ZNF107: variants seen among roughly 807,000 people sequenced by gnomAD.
ZNF107 encodes C2H2 type zinc-finger protein.
A neutral mutation model predicts 12.3 loss-of-function variants in ZNF107; 19 were observed. The observed-to-expected ratio is 1.55, with a 90% CI of 1.08 to 2.27. The LOEUF (loss-of-function observed/expected upper bound fraction) is 2.27, where lower values mean the gene tolerates loss of function less well. ZNF107 is among the 30% of genes most tolerant of loss of function. The pLI is 0.00. For synonymous variants in ZNF107, 317 were observed against 330.5 expected, an observed-to-expected ratio of 0.96 and a Z score of 0.44; for missense variants, 958 against 979.9, an observed-to-expected ratio of 0.98 and a Z score of 0.30.
rs1790865982 is a variant in ZNF107 at position 64,710,877 on chromosome 7, G to A, written c.*2221G>A. 6.6e-6 allele frequency: 1 copy of A among 152,088 alleles called. No homozygotes were observed. The highest frequency in any genetic ancestry group is 2.4e-5 in the African/African-American group (1 of 41,410). The allele number at this position is 152,088 out of a possible 1,614,324, so 9.4% of individuals were successfully genotyped here. On this transcript the variant is annotated 3_prime_UTR_variant, in exon 4 of 4. Coordinates refer to ENST00000620827, the MANE Select transcript of ZNF107 (RefSeq NM_001282359.2). ...GTTTGTGTTTAACTTATAATATTGA[G>A]TGATCCATGAAGTAGGTTTTCAGAG...
Position 64,709,601 on chromosome 7 carries a change from A to C in ZNF107, c.*945A>C, listed in dbSNP as rs186102742. The C allele has an allele frequency of 7.1e-6, 3 of 424,476 alleles. No homozygotes were observed. The highest frequency in any genetic ancestry group is 1.4e-5 in the Non-Finnish European group (3 of 218,590). 26.3% of individuals were successfully genotyped at this position (424,476 alleles called of 1,614,324 possible). ...TGATTGTAGGTAAGAATCCATACTG[A>C]AGAAAACTCCTGGAAGTGTAAAAAA... On this transcript the variant is annotated 3_prime_UTR_variant, in exon 4 of 4. Transcript: ENST00000620827.
rs1437925871 is a variant in ZNF107 at position 64,666,292 on chromosome 7, G to A, written c.3+7G>A. The A allele has an allele frequency of 1.2e-6, 2 of 1,609,882 alleles. No individual in the cohort carries two copies. The highest frequency in any genetic ancestry group is 1.7e-5 in the Admixed American group (1 of 59,846). On this transcript the variant is annotated splice_region_variant and intron_variant, in intron 1 of 3. Coordinates refer to ENST00000620827, the MANE Select transcript of ZNF107 (RefSeq NM_001282359.2). ...CCCTGGAAACCTAGAAATGGTGAGA[G>A]TGCTGGGTCCGACATCCCGAGAGAG... is the stretch of plus-strand genomic sequence containing the variant.
intron 1 of ZNF107, chr7:64,689,676 C>G (rs565012232): frequency 1.2e-5 from 1 of 83,784 alleles, no homozygotes; most frequent in Non-Finnish European, 2.3e-5. Flanking sequence ...GCCTGAGTCT[C>G]TCCTGCCTGC....
chr7:64,679,438 T>G, intron 1 of ZNF107: 24 of 886,166 alleles, frequency 2.7e-5, no homozygotes, highest in South Asian at 5.2e-5. Flanking sequence ...GGATTATCTC[T>G]GGGAAGACAG....
intron 1 of ZNF107, among the ~76,000 whole-genome samples, chr7:64,670,069 C>T (rs1789164558): frequency 6.6e-6 from 1 of 152,134 alleles, no homozygotes; most frequent in Admixed American, 6.6e-5. Flanking sequence ...GGGGGACCCA[C>T]AGGCAGATGC....
At chr7:64,685,940 A>G (rs1455480767) in intron 1 of ZNF107, among the ~76,000 whole-genome samples, 1 of 152,132 alleles carries the variant, frequency 6.6e-6, no homozygotes, top group African/African-American at 2.4e-5. Context: ...GGAGTTACCA[A>G]TGCCACAGGA....
intron 3 of ZNF107, among the ~76,000 whole-genome samples, chr7:64,693,165 A>ATTTTTTTTTTTTTTTT (rs34734604): frequency 9.1e-6 from 1 of 110,106 alleles, no homozygotes. Context: ...CACTCAGCTA[A>ATTTTTTTTTTTTTTTT]TTTTTTTTTT....
At chr7:64,688,411 G>A (rs1328189230) in intron 1 of ZNF107, among the ~76,000 whole-genome samples, 2 of 151,834 alleles carry the variant, frequency 1.3e-5, no homozygotes, top group East Asian at 3.9e-4. Context: ...CACGCACCAA[G>A]ACGTACAGCT....
In ZNF107 at chr7:64,710,081, TCA is replaced by T. The variant is rs142128445; in HGVS notation, c.*1429_*1430del. ...AGGCGAAGATTGCAGTGAGCTGAAA[TCA>T]CACCACTACACTCCAGCCAAAGCAA... On this transcript the variant is annotated 3_prime_UTR_variant, in exon 4 of 4. Coordinates refer to ENST00000620827, the MANE Select transcript of ZNF107 (RefSeq NM_001282359.2). The T allele has an allele frequency of 0.049, 9,777 of 201,352 alleles. 332 individuals carry two copies. The highest frequency in any genetic ancestry group is 0.14 in the East Asian group (819 of 5,810). The allele number at this position is 201,352 out of a possible 1,614,324, so 12.5% of individuals were successfully genotyped here.
chr7:64,708,827 A>C lies in ZNF107; in HGVS notation c.*171A>C, dbSNP rs945749553. 5 of 711,466 alleles carry C rather than the reference A, an allele frequency of 7.0e-6. No individual in the cohort carries two copies. In the African/African-American group the frequency reaches 9.0e-5, roughly 13 times the overall value. 44.1% of individuals were successfully genotyped at this position (711,466 alleles called of 1,614,324 possible). A position where few individuals can be genotyped will look rare whatever the true frequency, so the allele number is the denominator to read the frequency against. On this transcript the variant is annotated 3_prime_UTR_variant, in exon 4 of 4. Transcript: ENST00000620827. ...AAGAATGTGGCACAGCTTTTAACTA[A>C]TCTTCAAACCTTACTGAAAGTTGAG... is the stretch of plus-strand genomic sequence containing the variant.
intron 1 of ZNF107, chr7:64,684,756 C>G: frequency 6.1e-6 from 6 of 980,684 alleles, no homozygotes; most frequent in Non-Finnish European, 7.3e-6. Context: ...CTCTGTATAA[C>G]TTCTTCCCAG....
chr7:64,681,279 T>C (rs1789661973), intron 1 of ZNF107, among the ~76,000 whole-genome samples: 3 of 152,004 alleles, frequency 2.0e-5, no homozygotes, highest in Admixed American at 2.0e-4. Context: ...CCTGCCCTCC[T>C]TTCAGGGACC....
At position 64,708,248 on chromosome 7, in the gene ZNF107, C is replaced by G; in HGVS notation, c.2151C>G (p.Ser717=). The stretch of plus-strand genomic sequence containing the variant: ...AATGTGGCAAAGCCTTTAACTGCTC[C>G]TCAACCCTTAATAGACATAAGATAA... ...CAECGKAFNC[S]STLNRHKIIH... The change falls in exon 4 of 4, where the codon TCC becomes TCG. Residue 717 remains serine (S), a synonymous_variant. Coordinates refer to ENST00000620827, the MANE Select transcript of ZNF107 (RefSeq NM_001282359.2). The G allele has an allele frequency of 6.2e-7, 1 of 1,613,628 alleles. No homozygotes were observed. The highest frequency in any genetic ancestry group is 1.1e-5 in the South Asian group (1 of 91,060).
chr7:64,679,236 C>A, intron 1 of ZNF107: 8 of 985,010 alleles, frequency 8.1e-6, no homozygotes, highest in Non-Finnish European at 8.4e-6. Flanking sequence ...CTTTGGGAGT[C>A]GTGTCCCTTA....
intron 3 of ZNF107, among the ~76,000 whole-genome samples, chr7:64,704,461 G>T (rs1790575732): frequency 6.6e-6 from 1 of 151,942 alleles, no homozygotes; most frequent in Non-Finnish European, 1.5e-5. Context: ...TGCCAGGATG[G>T]TCTCAATCTC....
rs557252459 is a variant in ZNF107, at chr7:64,681,420, T to G, written c.4-9828T>G. Among the ~76,000 whole-genome samples the G allele has an allele frequency of 2.0e-5, 3 of 151,732 alleles. No homozygotes were observed. In the East Asian group the frequency reaches 5.9e-4, roughly 30 times the overall value. Reference sequence around the variant, plus strand: ...CTTTTAGTCATCCCCACTTGTCCAGTCCCTCTCCTCGGCTGAGGCATCCTA... The same window carrying G: ...CTTTTAGTCATCCCCACTTGTCCAGGCCCTCTCCTCGGCTGAGGCATCCTA... On this transcript the variant is annotated intron_variant, in intron 1 of 3. Coordinates refer to ENST00000620827, the MANE Select transcript of ZNF107 (RefSeq NM_001282359.2).
chr7:64,707,801 A>G lies in ZNF107; in HGVS notation c.1704A>G (p.Glu568=), dbSNP rs756418053. Residue 568 remains glutamate (E), a synonymous_variant, in exon 4 of 4, where the codon GAA becomes GAG. Transcript: ENST00000620827. ...CTGGAGAAAAACCCTATAAATGTGA[A>G]GAATGTGGAAAAGCCTTTAATCAAT... ...IHTGEKPYKC[E]ECGKAFNQSY... is the part of the protein sequence containing the mutation. 1.2e-6 allele frequency: 2 copies of G among 1,612,000 alleles called. No homozygotes were observed. Among genetic ancestry groups the G allele is most frequent in the Non-Finnish European group, 1.7e-6 (2 of 1,179,382 alleles).
chr7:64,697,124 A>C (rs943239537), intron 3 of ZNF107, among the ~76,000 whole-genome samples: 4 of 152,162 alleles, frequency 2.6e-5, no homozygotes, highest in Non-Finnish European at 5.9e-5. Flanking sequence ...AGCTTCATCC[A>C]TGTCCCTACA....
chr7:64,683,344 C>T (rs1789762560), intron 1 of ZNF107, among the ~76,000 whole-genome samples: 1 of 152,192 alleles, frequency 6.6e-6, no homozygotes, highest in African/African-American at 2.4e-5. Flanking sequence ...TTGTCCACTG[C>T]AGAGGATGCC....
Sources: gnomAD v4.1 joint callset for allele counts (sites outside exome capture counted in the v4.1 genomes callset) on GRCh38, gnomAD v4.1.1 for gene constraint, MANE v1.5 for transcripts, NCBI Gene and HGNC (gene_info 2026-07-23, HGNC 2026-07-21) for gene names.